CACNB2: variants seen among roughly 807,000 people sequenced by gnomAD.
CACNB2 encodes the protein voltage-dependent L-type calcium channel subunit beta-2.
CACNB2 carries 42 observed loss-of-function variants against 73.3 expected under a neutral mutation model. The ratio of observed to expected loss-of-function variants is 0.57; its 90% CI spans 0.45 to 0.74. The LOEUF (loss-of-function observed/expected upper bound fraction) is 0.74. Ranked by LOEUF, CACNB2 falls within the 30% of genes least tolerant of loss-of-function variation. The pLI, the probability that CACNB2 is intolerant of heterozygous loss-of-function variation, is 0.00. For synonymous variants in CACNB2, 348 were observed against 310.3 expected (o/e 1.12, Z -1.28); for missense variants, 940 against 853.0 (o/e 1.10, Z -1.27).
chr10:18,373,717 G>A (rs1235386015), intron 2 of CACNB2, among the ~76,000 whole-genome samples: 2 of 152,166 alleles, frequency 1.3e-5, no homozygotes, highest in African/African-American at 4.8e-5. Flanking sequence ...TTTTTCATTA[G>A]TATTTTTTTG....
At chr10:18,156,301 T>C (rs1290096040) in intron 2 of CACNB2, among the ~76,000 whole-genome samples, 3 of 152,236 alleles carry the variant, frequency 2.0e-5, no homozygotes, top group African/African-American at 4.8e-5. Context: ...ATTTTTGCAG[T>C]TATATATAGA....
Position 18,453,458 on chromosome 10 carries a change from T to C in CACNB2, c.334-44897T>C, listed in dbSNP as rs376198086. Among the ~76,000 whole-genome samples the C allele has an allele frequency of 5.3e-5, 8 of 152,198 alleles. No homozygotes were observed. The South Asian group carries it at 1.2e-3, about 24-fold the overall frequency. On this transcript the variant is annotated intron_variant, in intron 3 of 13. Coordinates refer to ENST00000324631, the MANE Select transcript of CACNB2 (RefSeq NM_201596.3). ...CCCTTGAGCTCTTTCTGTCCCTCCATGAGGCTTGGAATCTCTCCCCTCCTA... is the reference window on the plus strand; with the variant it reads ...CCCTTGAGCTCTTTCTGTCCCTCCACGAGGCTTGGAATCTCTCCCCTCCTA...
At chr10:18,395,446 TA>T (rs968017439) in intron 2 of CACNB2, among the ~76,000 whole-genome samples, 5 of 151,568 alleles carry the variant, frequency 3.3e-5, no homozygotes, top group East Asian at 1.9e-4. Context: ...TGGTGCCTTT[TA>T]AAAAAAAATC....
intron 2 of CACNB2, among the ~76,000 whole-genome samples, chr10:18,239,946 A>T (rs2131497832): frequency 6.6e-6 from 1 of 152,294 alleles, no homozygotes; most frequent in South Asian, 2.1e-4. Flanking sequence ...ATGACTTTGG[A>T]TTCTCATGTC....
chr10:18,208,570 C>A (rs1475661889), intron 2 of CACNB2, among the ~76,000 whole-genome samples: 1 of 151,990 alleles, frequency 6.6e-6, no homozygotes, highest in Non-Finnish European at 1.5e-5. Context: ...CATGATCGTG[C>A]CACTGCACTC....
intron 3 of CACNB2, among the ~76,000 whole-genome samples, chr10:18,495,649 G>C (rs1198005955): frequency 6.6e-6 from 1 of 151,614 alleles, no homozygotes; most frequent in African/African-American, 2.4e-5. Flanking sequence ...CTGGGCTCAA[G>C]TGATGCTCCC....
chr10:18,494,916 AT>A (rs1313656029), intron 3 of CACNB2, among the ~76,000 whole-genome samples: 8 of 152,242 alleles, frequency 5.3e-5, no homozygotes, highest in Admixed American at 1.3e-4. Context: ...TTTAAAAAAA[AT>A]AAAATGTAAA....
In CACNB2 at chr10:18,305,841, A is replaced by G. The variant is rs112283635; in HGVS notation, c.214-96083A>G. Among the ~76,000 whole-genome samples the G allele has an allele frequency of 3.9e-5, 6 of 152,120 alleles. No individual in the cohort carries two copies. In the East Asian group the frequency reaches 5.8e-4, roughly 15 times the overall value. ...GAATTCTCACGTGTTAAGAGGCTGCATATAAAAATGATAAGTGTTGGGAGG... is the reference window on the plus strand; with the variant it reads ...GAATTCTCACGTGTTAAGAGGCTGCGTATAAAAATGATAAGTGTTGGGAGG... On this transcript the variant is annotated intron_variant, in intron 2 of 13. Coordinates refer to ENST00000324631, the MANE Select transcript of CACNB2 (RefSeq NM_201596.3).
intron 2 of CACNB2, among the ~76,000 whole-genome samples, chr10:18,293,805 A>G (rs1157332661): frequency 1.3e-5 from 2 of 152,178 alleles, no homozygotes; most frequent in East Asian, 1.9e-4. Flanking sequence ...GTGTGTGCTG[A>G]TTATGCAGTG....
rs769680680 is a variant in CACNB2, at chr10:18,527,598, A to G, written c.955A>G (p.Thr319Ala). 1 of 1,613,030 alleles carries G rather than the reference A, an allele frequency of 6.2e-7. No individual in the cohort carries two copies. The highest frequency in any genetic ancestry group is 2.2e-5 in the East Asian group (1 of 44,872). The part of the protein sequence containing the change: ...KHRFEGRISI[T>A]RVTADISLAK... ...TTTTTCCTCCAACAGGATATCCATC[A>G]CAAGGGTCACCGCTGACATCTCGCT... The change falls in exon 10 of 14, where the codon ACA (threonine) becomes GCA (alanine). Residue 319 changes from threonine (T) to alanine (A), a missense_variant. By Grantham distance (58) the Thr-to-Ala change is moderately conservative (BLOSUM62 0). Transcript: ENST00000324631.
chr10:18,454,502 AG>A (rs2047172722), intron 3 of CACNB2, among the ~76,000 whole-genome samples: 1 of 150,014 alleles, frequency 6.7e-6, no homozygotes, highest in South Asian at 2.1e-4. Flanking sequence ...AAAATGAGTA[AG>A]ATTGTTTTTT....
intron 2 of CACNB2, among the ~76,000 whole-genome samples, chr10:18,323,687 A>C (rs1314978499): frequency 6.6e-6 from 1 of 152,208 alleles, no homozygotes; most frequent in African/African-American, 2.4e-5. Flanking sequence ...AGTGAGTCTC[A>C]ATACTGGAAA....
intron 2 of CACNB2, among the ~76,000 whole-genome samples, chr10:18,246,190 A>G (rs1196548359): frequency 2.0e-5 from 3 of 152,204 alleles, no homozygotes; most frequent in Non-Finnish European, 4.4e-5. Context: ...CTGAGAGCTT[A>G]CGCCAGTTAG....
rs187193798 is a variant in CACNB2, at chr10:18,319,513, T to C, written c.214-82411T>C. 3.0e-3 allele frequency among the ~76,000 whole-genome samples: 455 copies of C among 152,148 alleles called. 2 individuals carry two copies. The highest frequency in any genetic ancestry group is 4.3e-3 in the Non-Finnish European group (292 of 68,014). On this transcript the variant is annotated intron_variant, in intron 2 of 13. Coordinates refer to ENST00000324631, the MANE Select transcript of CACNB2 (RefSeq NM_201596.3). ...CCTAATGCATGTGGGGCTTAAAACC[T>C]AGGTGATGGGTTGATAGGTGCAACA...
chr10:18,272,655 C>A (rs991259055), intron 2 of CACNB2, among the ~76,000 whole-genome samples: 1 of 146,288 alleles, frequency 6.8e-6, no homozygotes, highest in Non-Finnish European at 1.5e-5. Flanking sequence ...ACAAGTCTTA[C>A]AATATCTGAT....
At chr10:18,400,960 C>T (rs1281165849) in intron 2 of CACNB2, 6 of 1,610,104 alleles carry the variant, frequency 3.7e-6, no homozygotes, top group African/African-American at 2.7e-5. Context: ...CTGGGGTTCT[C>T]CGGGGCTCAG....
At chr10:18,244,819 G>C (rs902718593) in intron 2 of CACNB2, among the ~76,000 whole-genome samples, 1 of 152,212 alleles carries the variant, frequency 6.6e-6, no homozygotes, top group African/African-American at 2.4e-5. Flanking sequence ...TTAAGTTAAA[G>C]ATCTTGAGCT....
chr10:18,210,485 T>C (rs2035274622), intron 2 of CACNB2, among the ~76,000 whole-genome samples: 1 of 152,038 alleles, frequency 6.6e-6, no homozygotes. Context: ...GTGGTATGAA[T>C]CTGTAGAGGC....
chr10:18,507,721 G>A (rs1178592328), intron 6 of CACNB2, among the ~76,000 whole-genome samples: 2 of 152,186 alleles, frequency 1.3e-5, no homozygotes, highest in African/African-American at 2.4e-5. Context: ...TTGACTGCCA[G>A]GGTGTTTCAG....
Sources: gnomAD v4.1 joint callset for allele counts (sites outside exome capture counted in the v4.1 genomes callset) on GRCh38, gnomAD v4.1.1 for gene constraint, MANE v1.5 for transcripts, NCBI Gene and HGNC (gene_info 2026-07-23, HGNC 2026-07-21) for gene names.